EVI5: variants seen among roughly 807,000 people sequenced by gnomAD.
EVI5 encodes the protein ecotropic viral integration site 5 protein homolog.
Under a neutral mutation model 112.0 loss-of-function variants are expected in EVI5, and 73 were observed. The observed-to-expected ratio is 0.65, with a 90% CI of 0.54 to 0.79. EVI5 has a LOEUF of 0.79. EVI5 is among the 30% of genes least tolerant of loss of function. The probability of loss-of-function intolerance (pLI) is 0.00; values close to 1 mark genes in which losing one functional copy is unlikely to be tolerated. For missense variants in EVI5, 900 were observed against 968.8 expected (o/e 0.93, Z 0.94); for synonymous variants, 305 against 319.9 (o/e 0.95, Z 0.50).
chr1:92,647,511 G>T, intron 13 of EVI5: 1 of 508,810 alleles, frequency 2.0e-6, no homozygotes, highest in Non-Finnish European at 3.7e-6. Flanking sequence ...ACCTCTCAGA[G>T]CACTTCTTGG....
At chr1:92,639,309 G>C (rs568581728) in intron 13 of EVI5, among the ~76,000 whole-genome samples, 10 of 151,648 alleles carry the variant, frequency 6.6e-5, no homozygotes, top group Admixed American at 2.0e-4. Context: ...CTTGTGTCTT[G>C]AGCTTAAAAA....
chr1:92,622,245 C>T (rs1017660902), intron 16 of EVI5: 2 of 394,118 alleles, frequency 5.1e-6, no homozygotes, highest in South Asian at 1.9e-5. Context: ...ATTTTGATAA[C>T]TGTACCTCAG....
chr1:92,603,217 T>C (rs1649567599), intron 18 of EVI5, among the ~76,000 whole-genome samples: 1 of 152,158 alleles, frequency 6.6e-6, no homozygotes. Context: ...TTGGTGCAAA[T>C]GCGGAAAAAA....
chr1:92,550,808 ATATAT>A (rs1557766622), intron 19 of EVI5, among the ~76,000 whole-genome samples: 41 of 112,160 alleles, frequency 3.7e-4, no homozygotes, highest in African/African-American at 1.4e-3. Context: ...ATATATATAT[ATATAT>A]AACAAAAAAA....
At chr1:92,755,944 C>G (rs570295323) in intron 1 of EVI5, 32 of 175,206 alleles carry the variant, frequency 1.8e-4, no homozygotes, top group African/African-American at 7.7e-4. Context: ...ATTTTGCTGA[C>G]TTGACTGCCA....
Position 92,746,314 on chromosome 1 carries a change from T to G in EVI5, c.-81-9687A>C, listed in dbSNP as rs140757203. Among the ~76,000 whole-genome samples, 239 of 152,350 alleles carry G rather than the reference T, an allele frequency of 1.6e-3. 1 individual carries two copies. Among genetic ancestry groups the G allele is most frequent in the African/African-American group, 5.6e-3 (233 of 41,580 alleles). On this transcript the variant is annotated intron_variant, in intron 1 of 19. Coordinates refer to ENST00000684568, the MANE Select transcript of EVI5 (RefSeq NM_001350197.2). Reference sequence around the variant, plus strand: ...AAGGCCTTTCCTTTTTACCAGTGAGTACTCAATACTTTCTCAATGACTTTT... The same window carrying G: ...AAGGCCTTTCCTTTTTACCAGTGAGGACTCAATACTTTCTCAATGACTTTT...
chr1:92,526,731 G>T (rs1055150343), intron 19 of EVI5, among the ~76,000 whole-genome samples: 1 of 152,146 alleles, frequency 6.6e-6, no homozygotes, highest in Non-Finnish European at 1.5e-5. Flanking sequence ...ACAGGGGATT[G>T]TTAGGCAGTG....
chr1:92,784,731 G>GCGGCCCCCGCCCGCCGCGCCT, intron 1 of EVI5, 105 bp downstream of exon 1: 1 of 840,840 alleles, frequency 1.2e-6, no homozygotes, highest in South Asian at 5.3e-5. Context: ...AAAACTTGCG[G>GCGGCCCCCGCCCGCCGCGCCT]CGGCCCCCGC....
At chr1:92,656,612 T>C (rs79140804) in intron 13 of EVI5, among the ~76,000 whole-genome samples, 1 of 151,588 alleles carries the variant, frequency 6.6e-6, no homozygotes, top group Non-Finnish European at 1.5e-5. Flanking sequence ...GTGGGTTCTT[T>C]GAAAAAAATA....
Position 92,675,096 on chromosome 1 carries a change from G to A in EVI5, c.1158+2062C>T, listed in dbSNP as rs1045249714. 3.9e-5 allele frequency among the ~76,000 whole-genome samples: 6 copies of A among 152,168 alleles called. No homozygotes were observed. In the East Asian group the frequency reaches 9.7e-4, roughly 25 times the overall value. On this transcript the variant is annotated intron_variant, in intron 10 of 19. Coordinates refer to ENST00000684568, the MANE Select transcript of EVI5 (RefSeq NM_001350197.2). ...GGTGGCTCATGCCTGTAATCCCAGC[G>A]CTTTGGAAGGCCAATGCAGGTGGAT...
chr1:92,515,845 C>T (rs190005070), intron 19 of EVI5, among the ~76,000 whole-genome samples: 23 of 152,278 alleles, frequency 1.5e-4, no homozygotes, highest in Non-Finnish European at 2.8e-4. Context: ...TTGTATATGA[C>T]AACAAGAATC....
Position 92,519,312 on chromosome 1 carries a change from G to C in EVI5, c.2167-5342C>G, listed in dbSNP as rs375072610. Among the ~76,000 whole-genome samples, 9 of 152,274 alleles carry C rather than the reference G, an allele frequency of 5.9e-5. No individual in the cohort carries two copies. In the East Asian group the frequency reaches 1.4e-3, roughly 23 times the overall value. Reference sequence around the variant, plus strand: ...TGTACAAGAGACCTAGAGGCATCCAGCCCAGACTAGAGACTGGAGCAGTCA... The same window carrying C: ...TGTACAAGAGACCTAGAGGCATCCACCCCAGACTAGAGACTGGAGCAGTCA... On this transcript the variant is annotated intron_variant, in intron 19 of 19. Transcript: ENST00000684568.
At position 92,694,406 on chromosome 1, in the gene EVI5, A is replaced by G. The variant is rs1365052204; in HGVS notation, c.910-18T>C. 10 of 1,412,956 alleles carry G rather than the reference A, an allele frequency of 7.1e-6. No homozygotes were observed. The highest frequency in any genetic ancestry group is 1.4e-5 in the African/African-American group (1 of 69,568). 87.5% of individuals were successfully genotyped at this position (1,412,956 alleles called of 1,614,324 possible). ...TCTAAACCCTGAGGAAACAAATTAAATAAATCCAAATTTATGTTACTCTTC... is the reference window on the plus strand; with the variant it reads ...TCTAAACCCTGAGGAAACAAATTAAGTAAATCCAAATTTATGTTACTCTTC... On this transcript the variant is annotated intron_variant, in intron 7 of 19. Coordinates refer to ENST00000684568, the MANE Select transcript of EVI5 (RefSeq NM_001350197.2).
intron 18 of EVI5, among the ~76,000 whole-genome samples, chr1:92,565,380 C>T (rs1183452752): frequency 6.6e-6 from 1 of 152,158 alleles, no homozygotes; most frequent in African/African-American, 2.4e-5. Context: ...CAGAAAGATA[C>T]ACATTCTAAC....
At chr1:92,624,550 G>T (rs1436066341) in intron 15 of EVI5, among the ~76,000 whole-genome samples, 2 of 151,760 alleles carry the variant, frequency 1.3e-5, no homozygotes, top group Admixed American at 1.3e-4. Context: ...ATTTAAGATA[G>T]AATTTATTGG....
At chr1:92,654,812 T>C (rs1030010279) in intron 13 of EVI5, among the ~76,000 whole-genome samples, 1 of 151,816 alleles carries the variant, frequency 6.6e-6, no homozygotes, top group Non-Finnish European at 1.5e-5. Context: ...GAAAAATTCA[T>C]TGAAGAAATT....
chr1:92,591,640 T>C (rs1277066000), intron 18 of EVI5, among the ~76,000 whole-genome samples: 2 of 152,248 alleles, frequency 1.3e-5, no homozygotes, highest in African/African-American at 4.8e-5. Flanking sequence ...CAAAAAGACT[T>C]AGACTCCCAC....
chr1:92,703,384 A>G lies in EVI5; in HGVS notation c.564+11T>C. ...TCATTTCATTTCAAAAAATGAATAA[A>G]TAAAACTTACCTTCATTACATTAAA... On this transcript the variant is annotated intron_variant, in intron 4 of 19. Transcript: ENST00000684568. 2 of 1,456,914 alleles carry G rather than the reference A, an allele frequency of 1.4e-6. No homozygotes were observed. Among genetic ancestry groups the G allele is most frequent in the Non-Finnish European group, 1.9e-6 (2 of 1,073,982 alleles). The allele number at this position is 1,456,914 out of a possible 1,614,324, so 90.2% of individuals were successfully genotyped here. A position where few individuals can be genotyped will look rare whatever the true frequency, so the allele number is the denominator to read the frequency against.
intron 1 of EVI5, among the ~76,000 whole-genome samples, chr1:92,782,857 C>T (rs977995306): frequency 6.6e-5 from 10 of 152,014 alleles, no homozygotes; most frequent in Non-Finnish European, 1.0e-4. Context: ...TCTCACTCTG[C>T]CGCTCAGGCT....
Sources: gnomAD v4.1 joint callset for allele counts (sites outside exome capture counted in the v4.1 genomes callset) on GRCh38, gnomAD v4.1.1 for gene constraint, MANE v1.5 for transcripts, NCBI Gene and HGNC (gene_info 2026-07-23, HGNC 2026-07-21) for gene names.